The following KLF8 variants were observed in gnomAD, a reference collection of about 807,000 sequenced individuals.
KLF8 encodes the protein Krueppel-like factor 8.
In KLF8, 10 loss-of-function variants were observed where a neutral mutation model predicts 18.2. The ratio of observed to expected loss-of-function variants is 0.55; its 90% confidence interval spans 0.34 to 0.93. The LOEUF (loss-of-function observed/expected upper bound fraction) is 0.93, where lower values mean the gene tolerates loss of function less well. KLF8 is among the 40% of genes least tolerant of loss of function. The pLI is 0.02. For missense variants in KLF8, 264 were observed against 277.9 expected (o/e 0.95, Z 0.36); for synonymous variants, 109 against 97.3 (o/e 1.12, Z -0.71).
chrX:56,250,316 G>A lies in KLF8; in HGVS notation c.81+12G>A. On this transcript the variant is annotated intron_variant, in intron 2 of 5. Transcript: ENST00000468660. ...AGGTATTCAAGCAGGTCAGTTATCA[G>A]GAAAATAGGGTGCTAATATTGGGCC... The A allele has an allele frequency of 8.7e-7, 1 of 1,143,039 alleles. No homozygotes were observed. Among genetic ancestry groups the A allele is most frequent in the Non-Finnish European group, 1.2e-6 (1 of 834,475 alleles). 94.2% of individuals were successfully genotyped at this position (1,143,039 alleles called of 1,213,427 possible). A position where few individuals can be genotyped will look rare whatever the true frequency, so the allele number is the denominator to read the frequency against.
At chrX:56,086,338 T>C in the KLF8 span, among the ~76,000 whole-genome samples, 3,375 of 111,590 alleles carry the variant, frequency 0.03, 69 homozygotes, top group Middle Eastern at 0.11. Flanking sequence ...CTCCCAGTGA[T>C]TGATTTTCTT....
chrX:56,118,468 T>A, the KLF8 span, among the ~76,000 whole-genome samples: 3 of 111,338 alleles, frequency 2.7e-5, no homozygotes, highest in Non-Finnish European at 5.6e-5. Flanking sequence ...GTACATTTTA[T>A]GTATCGATTT....
chrX:56,147,353 G>A, the KLF8 span, among the ~76,000 whole-genome samples: 1 of 111,904 alleles, frequency 8.9e-6, no homozygotes, highest in African/African-American at 3.2e-5. Flanking sequence ...GTGTAATATT[G>A]TGGCATCTTA....
chrX:56,241,250 T>TTCCACCTCCTGAGTTAAAG (rs2066540457), intron 1 of KLF8, among the ~76,000 whole-genome samples: 1 of 111,662 alleles, frequency 9.0e-6, no homozygotes, highest in African/African-American at 3.3e-5. Flanking sequence ...TCACTGCAAC[T>TTCCACCTCCTGAGTTAAAG]TCCACCTCCT....
chrX:56,055,640 T>C, the KLF8 span, among the ~76,000 whole-genome samples: 1 of 112,418 alleles, frequency 8.9e-6, no homozygotes, highest in Non-Finnish European at 1.9e-5. Flanking sequence ...TTCTCATGGA[T>C]GATAATCTGA....
the KLF8 span, among the ~76,000 whole-genome samples, chrX:56,166,166 C>G: frequency 9.4e-6 from 1 of 106,756 alleles, no homozygotes; most frequent in Non-Finnish European, 1.9e-5. Flanking sequence ...AACCATTGCA[C>G]TTCAGTGTAC....
chrX:56,066,456 T>C, the KLF8 span, among the ~76,000 whole-genome samples: 1 of 112,050 alleles, frequency 8.9e-6, no homozygotes, highest in Non-Finnish European at 1.9e-5. Context: ...AGCAGTAGTT[T>C]TGTTGCTTCC....
At chrX:56,040,015 G>T in the KLF8 span, among the ~76,000 whole-genome samples, 1 of 110,331 alleles carries the variant, frequency 9.1e-6, no homozygotes, top group Non-Finnish European at 1.9e-5. Flanking sequence ...TTCATGATTT[G>T]GCTCTCTGCT....
At chrX:55,968,284 T>C in the KLF8 span, among the ~76,000 whole-genome samples, 1 of 111,223 alleles carries the variant, frequency 9.0e-6, no homozygotes, top group South Asian at 3.8e-4. Context: ...GGTCTAGACA[T>C]TGCAATCAGA....
chrX:56,110,374 A>G, the KLF8 span, among the ~76,000 whole-genome samples: 6 of 111,647 alleles, frequency 5.4e-5, no homozygotes, highest in South Asian at 3.7e-4. Context: ...ACCTAAGTCT[A>G]TTGCGAATAT....
the KLF8 span, among the ~76,000 whole-genome samples, chrX:56,063,496 G>A: frequency 8.9e-6 from 1 of 111,785 alleles, no homozygotes; most frequent in East Asian, 2.8e-4. Context: ...AGCAGAGGCT[G>A]CAGAACACAA....
At chrX:56,143,097 C>T in the KLF8 span, among the ~76,000 whole-genome samples, 2 of 111,708 alleles carry the variant, frequency 1.8e-5, no homozygotes. Flanking sequence ...CTCTGGGCTT[C>T]TGCTACCTCT....
At chrX:56,161,975 T>C in the KLF8 span, among the ~76,000 whole-genome samples, 1 of 112,050 alleles carries the variant, frequency 8.9e-6, no homozygotes, top group Non-Finnish European at 1.9e-5. Flanking sequence ...TGTTTGTTAG[T>C]TTTCCTTCTA....
chrX:56,022,999 A>AGCTTAGGTT, the KLF8 span, among the ~76,000 whole-genome samples: 320 of 111,645 alleles, frequency 2.9e-3, no homozygotes, highest in African/African-American at 9.9e-3. Context: ...TGGTGCAAAC[A>AGCTTAGGTT]TTAGGTTAAC....
At chrX:56,238,954 C>T (rs2066512153) in intron 1 of KLF8, among the ~76,000 whole-genome samples, 1 of 111,664 alleles carries the variant, frequency 9.0e-6, no homozygotes, top group South Asian at 3.8e-4. Context: ...GGGACCCTTG[C>T]CTTCATGGAG....
chrX:56,044,956 T>C, the KLF8 span, among the ~76,000 whole-genome samples: 1 of 112,590 alleles, frequency 8.9e-6, no homozygotes, highest in East Asian at 2.8e-4. Context: ...TTTTGGGTTC[T>C]TGGTCATGAA....
the KLF8 span, among the ~76,000 whole-genome samples, chrX:55,989,909 A>T: frequency 9.1e-6 from 1 of 109,483 alleles, no homozygotes; most frequent in African/African-American, 3.3e-5. Context: ...CAGAGATTCA[A>T]CTTCTTCCTG....
At chrX:55,911,431 T>C in the KLF8 span, among the ~76,000 whole-genome samples, 1 of 112,518 alleles carries the variant, frequency 8.9e-6, no homozygotes, top group Non-Finnish European at 1.9e-5. Flanking sequence ...TCTCATCTGC[T>C]TTAAGGAAAT....
chrX:55,973,361 TAATTA>T, the KLF8 span, among the ~76,000 whole-genome samples: 10 of 112,000 alleles, frequency 8.9e-5, no homozygotes, highest in African/African-American at 2.9e-4. Context: ...AAGTGGGAAG[TAATTA>T]AATTAAAGAG....
Sources: allele counts gnomAD v4.1 joint callset (sites outside exome capture counted in the v4.1 genomes callset), GRCh38; gene constraint gnomAD v4.1.1; transcripts MANE v1.5; gene names NCBI Gene and HGNC (gene_info 2026-07-23, HGNC 2026-07-21).